Variants in PTTG1IP observed in about 807,000 individuals in gnomAD.
PTTG1IP encodes the protein PTTG1 interacting protein, also known as pituitary tumor-transforming gene 1 protein-interacting protein.
Under a neutral mutation model 24.4 loss-of-function variants are expected in PTTG1IP, and 16 were observed. That is an observed-to-expected ratio of 0.66 (90% CI 0.44 to 1.00). The LOEUF is 1.00. Among genes scored for constraint, PTTG1IP ranks in the 50% least tolerant of loss-of-function variants. The probability of loss-of-function intolerance (pLI) is 0.00; values close to 1 mark genes in which losing one functional copy is unlikely to be tolerated. For synonymous variants in PTTG1IP, 89 were observed against 96.8 expected (o/e 0.92, Z 0.47); for missense variants, 241 against 245.8 (o/e 0.98, Z 0.13).
intron 2 of PTTG1IP, among the ~76,000 whole-genome samples, chr21:44,863,624 C>T (rs1269122740): frequency 2.0e-5 from 3 of 152,208 alleles, no homozygotes; most frequent in Admixed American, 6.5e-5. Context: ...GGCAAAAACG[C>T]ACTCTAGGCT....
At chr21:44,864,267 C>T (rs1273543468) in intron 2 of PTTG1IP, among the ~76,000 whole-genome samples, 1 of 152,252 alleles carries the variant, frequency 6.6e-6, no homozygotes, top group Non-Finnish European at 1.5e-5. Context: ...CATAGCGCTG[C>T]GAGGAGACTT....
intron 2 of PTTG1IP, chr21:44,861,825 T>C (rs1053577239): frequency 1.4e-6 from 1 of 717,452 alleles, no homozygotes; most frequent in Non-Finnish European, 2.6e-6. Context: ...GGACACAGCC[T>C]GGCCCATCAC....
chr21:44,850,472 C>G lies in PTTG1IP; in HGVS notation c.*1109G>C, dbSNP rs908931121. 2.6e-5 allele frequency: 4 copies of G among 152,304 alleles called. No homozygotes were observed. Among genetic ancestry groups the G allele is most frequent in the Admixed American group, 2.0e-4 (3 of 15,280 alleles). The allele number at this position is 152,304 out of a possible 1,614,324, so 9.4% of individuals were successfully genotyped here. On this transcript the variant is annotated 3_prime_UTR_variant, in exon 6 of 6. Coordinates refer to ENST00000330938, the MANE Select transcript of PTTG1IP (RefSeq NM_004339.4). Reference sequence around the variant, plus strand: ...CTCAGAAGGAAGTGGTCAGACCACCCTCGAGCCAGAGCGGCTGGAAGCTGG... The same window carrying G: ...CTCAGAAGGAAGTGGTCAGACCACCGTCGAGCCAGAGCGGCTGGAAGCTGG...
At position 44,849,814 on chromosome 21, in the gene PTTG1IP, A is replaced by G. The variant is rs1167932081; in HGVS notation, c.*1767T>C. ...AGCCCTAGCGCCAGCTCAGCACCCT[A>G]CGCTCAGGAAGCGGATTTTGCACAC... On this transcript the variant is annotated 3_prime_UTR_variant, in exon 6 of 6. Transcript: ENST00000330938. The G allele has an allele frequency of 6.6e-6, 1 of 152,258 alleles. No homozygotes were observed. Among genetic ancestry groups the G allele is most frequent in the Admixed American group, 6.5e-5 (1 of 15,286 alleles). 9.4% of individuals were successfully genotyped at this position (152,258 alleles called of 1,614,324 possible). A position where few individuals can be genotyped will look rare whatever the true frequency, so the allele number is the denominator to read the frequency against.
intron 1 of PTTG1IP, 27 bp from the exon 2 acceptor site, chr21:44,865,474 C>T: frequency 6.2e-7 from 1 of 1,612,714 alleles, no homozygotes; most frequent in Non-Finnish European, 8.5e-7. Context: ...AGAGACAAGT[C>T]AGTCACTGAG....
At chr21:44,866,785 T>C (rs1329756460) in intron 1 of PTTG1IP, among the ~76,000 whole-genome samples, 1 of 152,064 alleles carries the variant, frequency 6.6e-6, no homozygotes, top group African/African-American at 2.4e-5. Context: ...AAATGACAGA[T>C]GACTACACAC....
intron 5 of PTTG1IP, among the ~76,000 whole-genome samples, chr21:44,853,174 G>A (rs961868534): frequency 8.5e-5 from 13 of 152,184 alleles, no homozygotes; most frequent in East Asian, 7.7e-4. Flanking sequence ...GTGTGTGCGC[G>A]TGTGCGTGTG....
At chr21:44,865,679 A>G in intron 1 of PTTG1IP, 7 of 600,406 alleles carry the variant, frequency 1.2e-5, no homozygotes, top group Admixed American at 1.1e-4. Context: ...GAGTATAAAC[A>G]TGCGGCTCCT....
At chr21:44,873,375 C>A in intron 1 of PTTG1IP, 127 bp downstream of exon 1, 2 of 968,000 alleles carry the variant, frequency 2.1e-6, no homozygotes, top group Non-Finnish European at 2.6e-6. Flanking sequence ...CGGGGCGCTG[C>A]CTGCGACCGT....
At chr21:44,862,587 C>T (rs914933765) in intron 2 of PTTG1IP, among the ~76,000 whole-genome samples, 2 of 152,204 alleles carry the variant, frequency 1.3e-5, no homozygotes, top group Non-Finnish European at 2.9e-5. Flanking sequence ...AGACCCAAGT[C>T]CAGACTGCCT....
rs187984460 is a variant in PTTG1IP, at chr21:44,853,616, G to A, written c.496+1594C>T. The stretch of plus-strand genomic sequence containing the variant: ...CCTGCAGAGATGCTGCTGGGCCCAC[G>A]CTCCACGTACACAGGCATGCACTCG... On this transcript the variant is annotated intron_variant, in intron 5 of 5. Transcript: ENST00000330938. Among the ~76,000 whole-genome samples, 7 of 152,018 alleles carry A rather than the reference G, an allele frequency of 4.6e-5. No homozygotes were observed. The South Asian group carries it at 6.2e-4, about 14-fold the overall frequency.
intron 5 of PTTG1IP, among the ~76,000 whole-genome samples, chr21:44,854,914 G>A (rs532703080): frequency 1.5e-3 from 235 of 152,324 alleles, no homozygotes; most frequent in Non-Finnish European, 2.4e-3. Context: ...AGCCAAACAC[G>A]ACGGCAGAAC....
At chr21:44,868,034 G>A (rs977545610) in intron 1 of PTTG1IP, among the ~76,000 whole-genome samples, 3 of 152,198 alleles carry the variant, frequency 2.0e-5, no homozygotes, top group Non-Finnish European at 4.4e-5. Context: ...CTCTAGCGAT[G>A]TGCTATTCGG....
rs530063704 is a variant in PTTG1IP, at chr21:44,858,175, CA to C, written c.278-1812del. Among the ~76,000 whole-genome samples, 15 of 152,316 alleles carry C rather than the reference CA, an allele frequency of 9.8e-5. No individual in the cohort carries two copies. The East Asian group carries it at 2.1e-3, about 22-fold the overall frequency. On this transcript the variant is annotated intron_variant, in intron 3 of 5. Coordinates refer to ENST00000330938, the MANE Select transcript of PTTG1IP (RefSeq NM_004339.4). ...GCATCTTTGCCTCTGGACAAACGGC[CA>C]ACGCTGTAGACATTTCATTTTCCTT...
chr21:44,871,616 ACGTTTTAAACAT>A (rs1240331312), intron 1 of PTTG1IP, among the ~76,000 whole-genome samples: 1 of 152,192 alleles, frequency 6.6e-6, no homozygotes, highest in Non-Finnish European at 1.5e-5. Flanking sequence ...AGGAGACAAA[ACGTTTTAAACAT>A]CAGTACTGCG....
At chr21:44,868,752 C>T (rs189236250) in intron 1 of PTTG1IP, among the ~76,000 whole-genome samples, 1 of 152,318 alleles carries the variant, frequency 6.6e-6, no homozygotes, top group African/African-American at 2.4e-5. Flanking sequence ...TCACAGCCAA[C>T]ACTAATGCAG....
intron 2 of PTTG1IP, among the ~76,000 whole-genome samples, chr21:44,864,333 G>A (rs1232975788): frequency 1.3e-5 from 2 of 152,274 alleles, no homozygotes; most frequent in African/African-American, 4.8e-5. Context: ...GTGCCAGCCA[G>A]GCTGGCCCAG....
chr21:44,873,633 TATCA>T lies in PTTG1IP; in HGVS notation c.-21_-18del. On this transcript the variant is annotated 5_prime_UTR_variant, in exon 1 of 6. Transcript: ENST00000330938. ...GGGCGCCATGGTCGGCCGGTCGCTC[TATCA>T]GTCAGTGGAGCGTTACAACTCCGAC... 7.1e-7 allele frequency: 1 copy of T among 1,409,726 alleles called. No individual in the cohort carries two copies. Among genetic ancestry groups the T allele is most frequent in the Non-Finnish European group, 9.2e-7 (1 of 1,083,258 alleles). The allele number at this position is 1,409,726 out of a possible 1,614,324, so 87.3% of individuals were successfully genotyped here. A position where few individuals can be genotyped will look rare whatever the true frequency, so the allele number is the denominator to read the frequency against.
At chr21:44,865,581 T>C in intron 1 of PTTG1IP, 134 bp from the exon 2 acceptor site, 1 of 859,632 alleles carries the variant, frequency 1.2e-6, no homozygotes, top group South Asian at 1.4e-5. Flanking sequence ...CAAATGAAGG[T>C]CCTCTTCCTG....
Sources: gnomAD v4.1 joint callset for allele counts (sites outside exome capture counted in the v4.1 genomes callset) on GRCh38, gnomAD v4.1.1 for gene constraint, MANE v1.5 for transcripts, NCBI Gene and HGNC (gene_info 2026-07-23, HGNC 2026-07-21) for gene names.